Variants in CNTN4 observed in about 807,000 individuals in gnomAD.
The protein encoded by CNTN4 is contactin-4.
CNTN4 carries 77 observed loss-of-function variants against 122.5 expected under a neutral mutation model. The ratio of observed to expected loss-of-function variants is 0.63; its 90% CI spans 0.52 to 0.76. The LOEUF is 0.76. Ranked by LOEUF, CNTN4 falls within the 30% of genes least tolerant of loss-of-function variation. The probability of loss-of-function intolerance (pLI) is 0.00; values close to 1 mark genes in which losing one functional copy is unlikely to be tolerated. For synonymous variants in CNTN4, 512 were observed against 447.0 expected, an observed-to-expected ratio of 1.15 and a Z score of -1.83; for missense variants, 1,256 against 1,259.1, an observed-to-expected ratio of 1.00 and a Z score of 0.04.
At chr3:2,651,586 C>T (rs1002282201) in intron 4 of CNTN4, among the ~76,000 whole-genome samples, 9 of 152,160 alleles carry the variant, frequency 5.9e-5, no homozygotes, top group South Asian at 2.1e-4. Flanking sequence ...CACGGTGGCT[C>T]ATACCTGTAC....
At chr3:2,476,236 C>T (rs1253630053) in intron 3 of CNTN4, among the ~76,000 whole-genome samples, 1 of 152,146 alleles carries the variant, frequency 6.6e-6, no homozygotes, top group East Asian at 1.9e-4. Context: ...TGGGCTTGCA[C>T]TTTCTGATGA....
At chr3:2,975,031 C>T (rs1559740317) in intron 13 of CNTN4, among the ~76,000 whole-genome samples, 2 of 152,014 alleles carry the variant, frequency 1.3e-5, no homozygotes, top group African/African-American at 4.8e-5. Flanking sequence ...GTCTTCCAGG[C>T]ATTTTAGTTA....
chr3:3,014,775 A>C, intron 14 of CNTN4, among the ~76,000 whole-genome samples: 1 of 151,732 alleles, frequency 6.6e-6, no homozygotes, highest in East Asian at 1.9e-4. Flanking sequence ...GTATCTTTAA[A>C]TTTTGTGTTC....
At chr3:2,705,881 TTA>T (rs2086691382) in intron 4 of CNTN4, among the ~76,000 whole-genome samples, 1 of 83,886 alleles carries the variant, frequency 1.2e-5, no homozygotes, top group African/African-American at 4.6e-5. Context: ...TATATATTTT[TTA>T]TATAATATAT....
At chr3:2,213,820 G>A (rs1393584525) in intron 2 of CNTN4, among the ~76,000 whole-genome samples, 4 of 152,042 alleles carry the variant, frequency 2.6e-5, no homozygotes, top group African/African-American at 9.7e-5. Flanking sequence ...ATCTGTTGTG[G>A]ATGTGTTTTT....
At position 3,056,105 on chromosome 3, in the gene CNTN4, G is replaced by T. The variant is rs778975528; in HGVS notation, c.2981-15G>T. 4.3e-6 allele frequency: 7 copies of T among 1,609,662 alleles called. No individual in the cohort carries two copies. The East Asian group carries it at 1.6e-4, about 36-fold the overall frequency. ...GGATGGGGCTGTTTTGAGTGAATTT[G>T]TTCTCTCTTTTCAGATGCCTACGCG... is the stretch of plus-strand genomic sequence containing the variant. On this transcript the variant is annotated splice_polypyrimidine_tract_variant and intron_variant, in intron 24 of 24. Transcript: ENST00000418658.
chr3:2,758,316 A>G (rs2090431552), intron 6 of CNTN4, among the ~76,000 whole-genome samples: 1 of 152,220 alleles, frequency 6.6e-6, no homozygotes, highest in Non-Finnish European at 1.5e-5. Context: ...ATGAAGGAAT[A>G]TAAGAGAAAC....
chr3:2,488,682 A>G (rs902808886), intron 3 of CNTN4, among the ~76,000 whole-genome samples: 1 of 151,996 alleles, frequency 6.6e-6, no homozygotes, highest in Non-Finnish European at 1.5e-5. Context: ...ATTGGTTTTT[A>G]TATGTCATTT....
At chr3:2,470,247 T>G (rs1198315192) in intron 3 of CNTN4, among the ~76,000 whole-genome samples, 2 of 152,036 alleles carry the variant, frequency 1.3e-5, no homozygotes, top group Admixed American at 6.5e-5. Flanking sequence ...TGGCTAATTT[T>G]TTGTATTTTT....
chr3:2,640,433 C>T (rs2082850089), intron 4 of CNTN4, among the ~76,000 whole-genome samples: 1 of 152,082 alleles, frequency 6.6e-6, no homozygotes, highest in South Asian at 2.1e-4. Flanking sequence ...ATATGTCTAC[C>T]AGGGATTATA....
intron 3 of CNTN4, among the ~76,000 whole-genome samples, chr3:2,476,934 A>G (rs1203028487): frequency 6.6e-6 from 1 of 152,124 alleles, no homozygotes; most frequent in African/African-American, 2.4e-5. Context: ...AGGACCCTGT[A>G]TTTGAACTTC....
intron 3 of CNTN4, among the ~76,000 whole-genome samples, chr3:2,344,735 G>C (rs1282316807): frequency 6.6e-6 from 1 of 152,092 alleles, no homozygotes; most frequent in African/African-American, 2.4e-5. Flanking sequence ...TCTTTTGTTA[G>C]CTTAGGAAAA....
rs1399949078 is a variant in CNTN4 at position 2,725,899 on chromosome 3, G to T, written c.56-10316G>T. 2.0e-5 allele frequency among the ~76,000 whole-genome samples: 3 copies of T among 152,214 alleles called. No homozygotes were observed. The East Asian group carries it at 5.8e-4, about 29-fold the overall frequency. On this transcript the variant is annotated intron_variant, in intron 4 of 24. Transcript: ENST00000418658. The stretch of plus-strand genomic sequence containing the variant: ...AAGAAATAACTCACTGAATAAATTG[G>T]TGTGTACCTTTCTATGCATATAGTG...
At chr3:2,888,496 CT>C (rs2094002735) in intron 10 of CNTN4, among the ~76,000 whole-genome samples, 1 of 152,086 alleles carries the variant, frequency 6.6e-6, no homozygotes, top group South Asian at 2.1e-4. Flanking sequence ...GTCCTCTGGT[CT>C]ACCTTTTGAC....
At chr3:2,246,642 C>G (rs995724616) in intron 2 of CNTN4, among the ~76,000 whole-genome samples, 4 of 151,634 alleles carry the variant, frequency 2.6e-5, no homozygotes, top group African/African-American at 9.7e-5. Context: ...ATAGGAAATA[C>G]CAAGAAAAAT....
intron 2 of CNTN4, among the ~76,000 whole-genome samples, chr3:2,198,713 CT>C (rs1249262548): frequency 6.6e-6 from 1 of 152,136 alleles, no homozygotes; most frequent in Non-Finnish European, 1.5e-5. Context: ...ACTTAATCTG[CT>C]TCATTTTGAA....
At chr3:2,847,166 C>CA (rs11456371) in intron 7 of CNTN4, among the ~76,000 whole-genome samples, 24,613 of 144,108 alleles carry the variant, frequency 0.17, 2,088 homozygotes, top group East Asian at 0.25. Context: ...GCAAATGTTG[C>CA]AAAAAAAAAA....
At chr3:2,275,781 G>A (rs1475838436) in intron 2 of CNTN4, among the ~76,000 whole-genome samples, 10 of 151,760 alleles carry the variant, frequency 6.6e-5, no homozygotes, top group South Asian at 4.2e-4. Flanking sequence ...TTAGCCGGGC[G>A]TGGTGGTGTG....
Position 2,844,342 on chromosome 3 carries a change from C to G in CNTN4, c.455-22410C>G, listed in dbSNP as rs115870005. Among the ~76,000 whole-genome samples, 370 of 152,266 alleles carry G rather than the reference C, an allele frequency of 2.4e-3. 2 individuals are homozygous for G. The highest frequency in any genetic ancestry group is 8.6e-3 in the African/African-American group (357 of 41,550). On this transcript the variant is annotated intron_variant, in intron 7 of 24. Transcript: ENST00000418658. The stretch of plus-strand genomic sequence containing the variant: ...AGAATTTCACGGTTGTACTTTAAAG[C>G]ATTTTATGTTAAGGTCACCATAGAT...
Sources: gnomAD v4.1 joint callset for allele counts (sites outside exome capture counted in the v4.1 genomes callset) on GRCh38, gnomAD v4.1.1 for gene constraint, MANE v1.5 for transcripts, NCBI Gene and HGNC (gene_info 2026-07-23, HGNC 2026-07-21) for gene names.